KCNIP4: variants seen among roughly 807,000 people sequenced by gnomAD.
KCNIP4 encodes potassium voltage-gated channel interacting protein 4, also known as Kv channel-interacting protein 4.
Under a neutral mutation model 34.0 loss-of-function variants are expected in KCNIP4, and 12 were observed. The ratio of observed to expected loss-of-function variants is 0.35; its 90% CI spans 0.23 to 0.57. The LOEUF is 0.57. Among genes scored for constraint, KCNIP4 ranks in the 20% least tolerant of loss-of-function variants. The pLI, the probability that KCNIP4 is intolerant of heterozygous loss-of-function variation, is 0.83. For synonymous variants in KCNIP4, 124 were observed against 102.2 expected, an observed-to-expected ratio of 1.21 and a Z score of -1.29; for missense variants, 238 against 311.7, an observed-to-expected ratio of 0.76 and a Z score of 1.78.
intron 1 of KCNIP4, among the ~76,000 whole-genome samples, chr4:21,396,248 T>A (rs1722985807): frequency 6.6e-6 from 1 of 151,904 alleles, no homozygotes; most frequent in Non-Finnish European, 1.5e-5. Context: ...ATTCTTATTA[T>A]CCCCTTCTTA....
intron 1 of KCNIP4, among the ~76,000 whole-genome samples, chr4:20,936,450 T>C (rs1731073450): frequency 6.6e-6 from 1 of 151,822 alleles, no homozygotes; most frequent in Admixed American, 6.6e-5. Flanking sequence ...GTCCTAAAGA[T>C]TTCATCATGC....
At chr4:21,542,699 A>T (rs948401662) in intron 1 of KCNIP4, among the ~76,000 whole-genome samples, 15 of 150,424 alleles carry the variant, frequency 1.0e-4, no homozygotes, top group Non-Finnish European at 2.1e-4. Context: ...AATATATATA[A>T]AAATATATAT....
At chr4:21,635,820 C>T (rs1746101627) in intron 1 of KCNIP4, among the ~76,000 whole-genome samples, 3 of 151,924 alleles carry the variant, frequency 2.0e-5, no homozygotes, top group Admixed American at 6.6e-5. Flanking sequence ...AATCATGCTG[C>T]TATAAAGACA....
intron 1 of KCNIP4, among the ~76,000 whole-genome samples, chr4:21,876,640 T>C (rs1472381296): frequency 3.9e-5 from 6 of 152,138 alleles, no homozygotes; most frequent in Non-Finnish European, 8.8e-5. Flanking sequence ...AAAAATAAGT[T>C]AAAATAGATT....
intron 1 of KCNIP4, among the ~76,000 whole-genome samples, chr4:21,471,468 A>T (rs894299189): frequency 2.0e-5 from 3 of 152,152 alleles, no homozygotes; most frequent in Non-Finnish European, 4.4e-5. Flanking sequence ...CGGAATCTTT[A>T]TCTCTGTATT....
intron 1 of KCNIP4, among the ~76,000 whole-genome samples, chr4:21,460,930 A>G (rs1729411518): frequency 6.6e-6 from 1 of 152,062 alleles, no homozygotes; most frequent in Non-Finnish European, 1.5e-5. Flanking sequence ...TTCACAAATT[A>G]TTTATTGATT....
chr4:21,373,039 A>T (rs1720632028), intron 1 of KCNIP4, among the ~76,000 whole-genome samples: 1 of 134,326 alleles, frequency 7.4e-6, no homozygotes, highest in Non-Finnish European at 1.5e-5. Flanking sequence ...TTGGCCATTA[A>T]TTAGTCTTAA....
chr4:21,785,531 G>T (rs1293005701), intron 1 of KCNIP4, among the ~76,000 whole-genome samples: 1 of 151,938 alleles, frequency 6.6e-6, no homozygotes, highest in Non-Finnish European at 1.5e-5. Context: ...GGCAGAGGTT[G>T]CAGTGAGCCG....
chr4:21,875,813 T>C (rs1480845521), intron 1 of KCNIP4, among the ~76,000 whole-genome samples: 1 of 152,196 alleles, frequency 6.6e-6, no homozygotes, highest in African/African-American at 2.4e-5. Flanking sequence ...TCAGATGCAT[T>C]TTTTCTAATT....
intron 1 of KCNIP4, among the ~76,000 whole-genome samples, chr4:21,007,846 T>C (rs577496423): frequency 6.6e-6 from 1 of 152,340 alleles, no homozygotes; most frequent in South Asian, 2.1e-4. Flanking sequence ...TTTTCCATAA[T>C]GACACCTGAA....
intron 1 of KCNIP4, among the ~76,000 whole-genome samples, chr4:21,747,189 C>G (rs1035015961): frequency 6.6e-6 from 1 of 152,078 alleles, no homozygotes; most frequent in Non-Finnish European, 1.5e-5. Flanking sequence ...AAACCCAACC[C>G]ATTTATGCCC....
chr4:21,868,720 T>C (rs1326824093), intron 1 of KCNIP4, among the ~76,000 whole-genome samples: 1 of 152,142 alleles, frequency 6.6e-6, no homozygotes, highest in Non-Finnish European at 1.5e-5. Flanking sequence ...TTGGAGATAA[T>C]GAGAATCCAT....
intron 1 of KCNIP4, among the ~76,000 whole-genome samples, chr4:21,420,433 C>T (rs1472289338): frequency 1.3e-5 from 2 of 152,134 alleles, no homozygotes; most frequent in Non-Finnish European, 2.9e-5. Flanking sequence ...CTATTGTCCA[C>T]AGCAGTCAGT....
At chr4:21,468,903 C>T (rs1730220724) in intron 1 of KCNIP4, among the ~76,000 whole-genome samples, 1 of 152,102 alleles carries the variant, frequency 6.6e-6, no homozygotes, top group African/African-American at 2.4e-5. Flanking sequence ...TCACATTGCT[C>T]AACATCATCT....
At chr4:21,581,325 T>A (rs1363810687) in intron 1 of KCNIP4, among the ~76,000 whole-genome samples, 1 of 151,962 alleles carries the variant, frequency 6.6e-6, no homozygotes, top group Non-Finnish European at 1.5e-5. Context: ...CATGGCCTCT[T>A]CTGAAACATC....
chr4:21,647,906 C>T (rs1298176068), intron 1 of KCNIP4, among the ~76,000 whole-genome samples: 4 of 121,128 alleles, frequency 3.3e-5, no homozygotes, highest in South Asian at 2.9e-4. Flanking sequence ...CAGTGTCTCA[C>T]TCTGGTGCCC....
intron 1 of KCNIP4, chr4:21,303,686 T>A: frequency 1.4e-6 from 1 of 703,484 alleles, no homozygotes; most frequent in East Asian, 2.8e-5. Flanking sequence ...CCTGGCTTCC[T>A]TCATGTCCAT....
At chr4:21,562,903 G>A (rs143612211) in intron 1 of KCNIP4, among the ~76,000 whole-genome samples, 14 of 151,946 alleles carry the variant, frequency 9.2e-5, no homozygotes, top group South Asian at 6.2e-4. Flanking sequence ...CTCAACACTC[G>A]CGTAAATACA....
intron 1 of KCNIP4, among the ~76,000 whole-genome samples, chr4:21,505,209 T>C (rs1733732997): frequency 6.6e-6 from 1 of 152,030 alleles, no homozygotes; most frequent in Non-Finnish European, 1.5e-5. Context: ...TTCTGTGAAC[T>C]GTAGTTTCAT....
Sources: gnomAD v4.1 joint callset for allele counts (sites outside exome capture counted in the v4.1 genomes callset) on GRCh38, gnomAD v4.1.1 for gene constraint, MANE v1.5 for transcripts, NCBI Gene and HGNC (gene_info 2026-07-23, HGNC 2026-07-21) for gene names.